ACTN4: variants seen among roughly 807,000 people sequenced by gnomAD.
ACTN4 encodes actinin alpha 4.
In ACTN4, 18 loss-of-function variants were observed where a neutral mutation model predicts 114.2. That is an observed-to-expected ratio of 0.16 (90% confidence interval 0.11 to 0.23). The LOEUF is 0.23. Among genes scored for constraint, ACTN4 ranks in the 10% least tolerant of loss-of-function variants. ACTN4 has a pLI of 1.00. For synonymous variants in ACTN4, 515 were observed against 506.3 expected (o/e 1.02, Z -0.23); for missense variants, 722 against 1,262.9 (o/e 0.57, Z 6.49).
Position 38,647,712 on chromosome 19 carries a change from C to A in ACTN4, c.-34C>A. On this transcript the variant is annotated 5_prime_UTR_variant, in exon 1 of 21. Coordinates refer to ENST00000252699, the MANE Select transcript of ACTN4 (RefSeq NM_004924.6). ...AGAGGGGCGGGAGCTGAGGCGGGAG[C>A]GGACAGGCTGGTGGGCGAGCGAGAG... 1 of 1,521,848 alleles carries A rather than the reference C, an allele frequency of 6.6e-7. No homozygotes were observed. The highest frequency in any genetic ancestry group is 8.8e-7 in the Non-Finnish European group (1 of 1,135,570). The allele number at this position is 1,521,848 out of a possible 1,614,324, so 94.3% of individuals were successfully genotyped here.
chr19:38,722,987 C>T (rs554915737), intron 12 of ACTN4, among the ~76,000 whole-genome samples: 64 of 152,310 alleles, frequency 4.2e-4, no homozygotes, highest in African/African-American at 1.5e-3. Flanking sequence ...GGATGGGCAG[C>T]CCTGCTGAGC....
intron 9 of ACTN4, among the ~76,000 whole-genome samples, chr19:38,716,103 C>T (rs923571516): frequency 6.6e-6 from 1 of 152,062 alleles, no homozygotes; most frequent in African/African-American, 2.4e-5. Context: ...TGGGGTTTCA[C>T]CATGTTGGTC....
chr19:38,722,445 ATGAGTCCAAGGCCCGTTTATTCC>A (rs1334674081), intron 12 of ACTN4, among the ~76,000 whole-genome samples: 5 of 150,606 alleles, frequency 3.3e-5, no homozygotes, highest in African/African-American at 9.7e-5. Context: ...GCTTATTCCT[ATGAGTCCAAGGCCCGTTTATTCC>A]TGAGTCCAAG....
rs1379828346 is a variant in ACTN4, at chr19:38,680,245, T to TA, written c.163-20352dup. Among the ~76,000 whole-genome samples, 27 of 131,886 alleles carry TA rather than the reference T, an allele frequency of 2.0e-4. No homozygotes were observed. The East Asian group carries it at 5.3e-3, about 26-fold the overall frequency. The allele number at this position is 131,886 out of a possible 152,430, so 86.5% of individuals were successfully genotyped here. ...TTTTTTTTTTTTTTTTTTTTTTTTT[T>TA]AAAGTCAGAGTCTCACTCAGTCGCC... On this transcript the variant is annotated intron_variant, in intron 1 of 20. Transcript: ENST00000252699.
chr19:38,723,842 A>G, intron 13 of ACTN4, 95 bp from the exon 14 acceptor site: 1 of 1,495,986 alleles, frequency 6.7e-7, no homozygotes, highest in Non-Finnish European at 9.2e-7. Context: ...ATGTTCTCTG[A>G]CTCCTCAGGG....
intron 17 of ACTN4, among the ~76,000 whole-genome samples, chr19:38,726,492 C>T (rs1401032452): frequency 3.9e-5 from 6 of 152,138 alleles, no homozygotes; most frequent in Non-Finnish European, 8.8e-5. Flanking sequence ...CAGCGGGTGC[C>T]GGGTCAGGGC....
At chr19:38,710,210 A>G in intron 7 of ACTN4, 47 bp from the exon 8 acceptor site, 1 of 1,602,924 alleles carries the variant, frequency 6.2e-7, no homozygotes, top group Non-Finnish European at 8.5e-7. Flanking sequence ...TGACGCCTCC[A>G]CCCCCCGCCC....
Position 38,730,927 on chromosome 19 carries a change from C to T in ACTN4, c.*1495C>T. On this transcript the variant is annotated 3_prime_UTR_variant, in exon 21 of 21. Transcript: ENST00000252699. ...GGCTTGAGGCAGGGAGCTCGCAGGACAGAGCCTGAGCCACCCTGTCCCTCC... is the reference window on the plus strand; with the variant it reads ...GGCTTGAGGCAGGGAGCTCGCAGGATAGAGCCTGAGCCACCCTGTCCCTCC... 3.9e-6 allele frequency: 6 copies of T among 1,550,554 alleles called. No homozygotes were observed. The highest frequency in any genetic ancestry group is 1.7e-4 in the Middle Eastern group (1 of 5,992).
At chr19:38,725,081 C>T (rs895588475) in intron 16 of ACTN4, among the ~76,000 whole-genome samples, 2 of 151,276 alleles carry the variant, frequency 1.3e-5, no homozygotes, top group Admixed American at 1.3e-4. Flanking sequence ...AAACAGTTAC[C>T]TTATTACTTC....
intron 1 of ACTN4, among the ~76,000 whole-genome samples, chr19:38,690,432 T>C (rs1967887615): frequency 6.6e-6 from 1 of 152,246 alleles, no homozygotes; most frequent in South Asian, 2.1e-4. Flanking sequence ...GAGTTTGTCC[T>C]AATCGAGCTA....
intron 1 of ACTN4, among the ~76,000 whole-genome samples, chr19:38,690,881 A>G (rs1967901592): frequency 6.6e-6 from 1 of 152,352 alleles, no homozygotes; most frequent in African/African-American, 2.4e-5. Context: ...AATTATGTAC[A>G]TATTTAAAGA....
At chr19:38,691,928 C>T (rs1967944151) in intron 1 of ACTN4, among the ~76,000 whole-genome samples, 1 of 151,948 alleles carries the variant, frequency 6.6e-6, no homozygotes, top group Non-Finnish European at 1.5e-5. Context: ...CAAAATCCGT[C>T]CTTTGCAGCA....
intron 8 of ACTN4, among the ~76,000 whole-genome samples, chr19:38,712,984 T>C (rs1319447790): frequency 6.6e-6 from 1 of 152,090 alleles, no homozygotes; most frequent in Non-Finnish European, 1.5e-5. Flanking sequence ...GAGGCCCGGC[T>C]GCAGGGCGCT....
Position 38,727,877 on chromosome 19 carries a change from G to A in ACTN4, c.2338-69G>A, listed in dbSNP as rs1241427175. ...TCCCTTCCCCCTGCCCTCTGCATGT[G>A]ACCCCGATCCCTCATCCTGGTCTCC... On this transcript the variant is annotated intron_variant, in intron 18 of 20. Coordinates refer to ENST00000252699, the MANE Select transcript of ACTN4 (RefSeq NM_004924.6). This position sits in a 1 kb window ranked among gnomAD's most constrained non-coding sequence, Gnocchi z 5.4. 12 of 1,477,722 alleles carry A rather than the reference G, an allele frequency of 8.1e-6. No homozygotes were observed. Among genetic ancestry groups the A allele is most frequent in the Non-Finnish European group, 8.4e-6 (9 of 1,065,698 alleles). 91.5% of individuals were successfully genotyped at this position (1,477,722 alleles called of 1,614,324 possible).
rs116957102 is a variant in ACTN4, at chr19:38,698,649, C to T, written c.163-1951C>T. On this transcript the variant is annotated intron_variant, in intron 1 of 20. Transcript: ENST00000252699. The stretch of plus-strand genomic sequence containing the variant: ...TTTGAGGGGTGCCCAGGGTTGGCTA[C>T]ATGGCGGGGCGGAGGTATCTTTAGT... Among the ~76,000 whole-genome samples, 3 of 152,326 alleles carry T rather than the reference C, an allele frequency of 2.0e-5. No homozygotes were observed. The East Asian group carries it at 5.8e-4, about 29-fold the overall frequency.
intron 1 of ACTN4, among the ~76,000 whole-genome samples, chr19:38,680,399 C>T (rs868260020): frequency 4.0e-5 from 6 of 151,896 alleles, no homozygotes; most frequent in African/African-American, 2.4e-5. Context: ...AGGCTGGTCT[C>T]GAAGTCCTGA....
chr19:38,659,353 A>G (rs544108581), intron 1 of ACTN4, among the ~76,000 whole-genome samples: 6 of 152,188 alleles, frequency 3.9e-5, no homozygotes, highest in African/African-American at 1.4e-4. Flanking sequence ...CACCGCGCCC[A>G]GCCCCTTTGT....
chr19:38,676,517 G>A (rs1447294812), intron 1 of ACTN4, among the ~76,000 whole-genome samples: 4 of 152,234 alleles, frequency 2.6e-5, no homozygotes, highest in African/African-American at 9.6e-5. Context: ...GGGCCTCAGA[G>A]TGCACGGGAG....
At chr19:38,728,929 A>T (rs966654516) in intron 19 of ACTN4, 67 bp from the exon 20 acceptor site, 3 of 1,588,620 alleles carry the variant, frequency 1.9e-6, no homozygotes, top group Admixed American at 1.7e-5. Flanking sequence ...AGACCCCACC[A>T]GTGTGGGCCT....
Sources: gnomAD v4.1 joint callset for allele counts (sites outside exome capture counted in the v4.1 genomes callset) on GRCh38, gnomAD v4.1.1 for gene constraint, Gnocchi (gnomAD v3.1) non-coding constraint, MANE v1.5 for transcripts, NCBI Gene and HGNC (gene_info 2026-07-23, HGNC 2026-07-21) for gene names.